Variants in DPT observed in about 807,000 individuals in gnomAD.
DPT encodes the protein dermatopontin.
Under a neutral mutation model 31.2 loss-of-function variants are expected in DPT, and 21 were observed. The ratio of observed to expected loss-of-function variants is 0.67; its 90% CI spans 0.48 to 0.97. DPT has a LOEUF of 0.97. DPT is among the 50% of genes least tolerant of loss of function. The pLI is 0.00. For missense variants in DPT, 262 were observed against 258.8 expected (o/e 1.01, Z -0.08); for synonymous variants, 91 against 86.9 (o/e 1.05, Z -0.26).
chr1:168,727,194 C>T (rs1254159346), intron 1 of DPT, among the ~76,000 whole-genome samples: 1 of 152,216 alleles, frequency 6.6e-6, no homozygotes, highest in African/African-American at 2.4e-5. Context: ...TCTCAGGAGC[C>T]CGTCACTGTG....
chr1:168,717,205 C>T (rs773448904), intron 1 of DPT, among the ~76,000 whole-genome samples: 6 of 152,212 alleles, frequency 3.9e-5, no homozygotes, highest in South Asian at 2.1e-4. Context: ...TTCACAGCCT[C>T]GCCAGCATCT....
chr1:168,699,048 C>T (rs568482271), intron 3 of DPT, among the ~76,000 whole-genome samples: 4 of 152,066 alleles, frequency 2.6e-5, no homozygotes, highest in South Asian at 4.2e-4. Flanking sequence ...TCCACATAAC[C>T]GAAAAATTTA....
chr1:168,713,949 C>T (rs957853635), intron 2 of DPT, among the ~76,000 whole-genome samples: 2 of 152,024 alleles, frequency 1.3e-5, no homozygotes, highest in Non-Finnish European at 2.9e-5. Context: ...CTTGGCATTC[C>T]CACAGAGTAG....
rs967832645 is a variant in DPT at position 168,706,594 on chromosome 1, C to T, written c.432-5470G>A. On this transcript the variant is annotated intron_variant, in intron 2 of 3. Coordinates refer to ENST00000367817, the MANE Select transcript of DPT (RefSeq NM_001937.5). The stretch of plus-strand genomic sequence containing the variant: ...CCAAGCGGGACCTCTGGTAGTCACC[C>T]AAGTGCCCTTCTCTGCACAGAAAAT... 1.4e-4 allele frequency among the ~76,000 whole-genome samples: 22 copies of T among 152,180 alleles called. 1 individual carries two copies. Among genetic ancestry groups the T allele is most frequent in the Admixed American group, 1.4e-3 (21 of 15,280 alleles).
chr1:168,699,060 T>C (rs888928818), intron 3 of DPT, among the ~76,000 whole-genome samples: 4 of 152,202 alleles, frequency 2.6e-5, no homozygotes, highest in Non-Finnish European at 4.4e-5. Flanking sequence ...AAAAATTTAC[T>C]AAAAAGTGAA....
chr1:168,723,403 C>A (rs1460769750), intron 1 of DPT, among the ~76,000 whole-genome samples: 1 of 152,214 alleles, frequency 6.6e-6, no homozygotes, highest in Non-Finnish European at 1.5e-5. Flanking sequence ...GTATGTTATT[C>A]ATCTCCATCT....
chr1:168,728,774 T>C, intron 1 of DPT, 96 bp downstream of exon 1: 6 of 1,476,964 alleles, frequency 4.1e-6, no homozygotes, highest in Non-Finnish European at 5.5e-6. Flanking sequence ...GCCCAGGCTT[T>C]GGTTACTGAT....
intron 2 of DPT, among the ~76,000 whole-genome samples, chr1:168,713,638 A>G (rs1400408052): frequency 6.6e-6 from 1 of 152,270 alleles, no homozygotes; most frequent in Admixed American, 6.5e-5. Context: ...GTCAGGAGAT[A>G]TTCGGCATGA....
chr1:168,712,917 A>C (rs1233426712), intron 2 of DPT, among the ~76,000 whole-genome samples: 1 of 152,112 alleles, frequency 6.6e-6, no homozygotes, highest in African/African-American at 2.4e-5. Context: ...AGTTTTCATC[A>C]GAGTCTTAAA....
At chr1:168,711,115 A>G (rs1179812343) in intron 2 of DPT, among the ~76,000 whole-genome samples, 1 of 148,826 alleles carries the variant, frequency 6.7e-6, no homozygotes, top group Non-Finnish European at 1.5e-5. Flanking sequence ...GGTTCATGCC[A>G]TTCTCCTGCC....
chr1:168,720,300 C>T (rs947429748), intron 1 of DPT, among the ~76,000 whole-genome samples: 6 of 152,070 alleles, frequency 3.9e-5, no homozygotes, highest in African/African-American at 1.2e-4. Flanking sequence ...TCGAGATGGT[C>T]CCACAGCTCT....
chr1:168,718,850 T>C (rs74122773), intron 1 of DPT, among the ~76,000 whole-genome samples: 488 of 152,316 alleles, frequency 3.2e-3, no homozygotes, highest in African/African-American at 0.011. Flanking sequence ...ACACAGTAAT[T>C]ATGAGTCTAC....
Position 168,728,882 on chromosome 1 carries a change from G to A in DPT, c.293C>T (p.Ala98Val). ...TECWWEEINR[A>V]GMEWYQTCSN... ...GACTGGCCCTTACCATTCCATGCCAGCCCTGTTGATCTCCTCCCACCAGCA... is the reference window on the plus strand; with the variant it reads ...GACTGGCCCTTACCATTCCATGCCAACCCTGTTGATCTCCTCCCACCAGCA... The change falls in exon 1 of 4, where the codon GCT becomes GTT. Residue 98 changes from alanine to valine, a missense_variant. Coordinates refer to ENST00000367817, the MANE Select transcript of DPT (RefSeq NM_001937.5). 2 of 1,614,166 alleles carry A rather than the reference G, an allele frequency of 1.2e-6. No homozygotes were observed. Among genetic ancestry groups the A allele is most frequent in the Non-Finnish European group, 1.7e-6 (2 of 1,180,000 alleles).
At chr1:168,726,329 G>A (rs1650240661) in intron 1 of DPT, among the ~76,000 whole-genome samples, 2 of 152,146 alleles carry the variant, frequency 1.3e-5, no homozygotes, top group South Asian at 4.1e-4. Flanking sequence ...AAATAGTTTG[G>A]GAGTTCATGA....
chr1:168,726,906 C>G (rs1405999992), intron 1 of DPT, among the ~76,000 whole-genome samples: 1 of 152,202 alleles, frequency 6.6e-6, no homozygotes, highest in Admixed American at 6.5e-5. Context: ...GAGAATGGCC[C>G]ACAAAGGCTG....
intron 1 of DPT, among the ~76,000 whole-genome samples, chr1:168,727,499 G>T (rs1004823159): frequency 4.0e-5 from 6 of 151,330 alleles, no homozygotes; most frequent in Non-Finnish European, 2.9e-5. Flanking sequence ...TCTACTGGTT[G>T]TGTCCCCCAG....
rs1209445077 is a variant in DPT at position 168,714,322 on chromosome 1, C to T, written c.330G>A (p.Gly110=). The T allele has an allele frequency of 3.7e-6, 6 of 1,614,130 alleles. No individual in the cohort carries two copies. Among genetic ancestry groups the T allele is most frequent in the Non-Finnish European group, 5.1e-6 (6 of 1,180,030 alleles). ...AGCGGCTCTGGAATCCTGCCACCAG[C>T]CCATTGTTGGAGCACGTCTGGTACC... is the stretch of plus-strand genomic sequence containing the variant. ...MEWYQTCSNN[G]LVAGFQSRYF... is the part of the protein sequence containing the mutation. The change falls in exon 2 of 4, where the codon GGG becomes GGA. Residue 110 remains glycine (G), a synonymous_variant. Coordinates refer to ENST00000367817, the MANE Select transcript of DPT (RefSeq NM_001937.5).
rs540183882 is a variant in DPT at position 168,703,106 on chromosome 1, G to T, written c.432-1982C>A. Among the ~76,000 whole-genome samples, 120 of 152,190 alleles carry T rather than the reference G, an allele frequency of 7.9e-4. No individual in the cohort carries two copies. In the Middle Eastern group the frequency reaches 0.01, roughly 13 times the overall value. The stretch of plus-strand genomic sequence containing the variant: ...GGGTGTGTGTTTTCCTTACTTCAGG[G>T]AACAAAAAATATTTTCTAAAACTTT... On this transcript the variant is annotated intron_variant, in intron 2 of 3. Coordinates refer to ENST00000367817, the MANE Select transcript of DPT (RefSeq NM_001937.5).
intron 2 of DPT, among the ~76,000 whole-genome samples, chr1:168,707,607 T>C (rs1477547299): frequency 1.3e-5 from 2 of 152,160 alleles, no homozygotes; most frequent in Non-Finnish European, 2.9e-5. Flanking sequence ...CCCAACCAAA[T>C]GTCACCTTGA....
Sources: gnomAD v4.1 joint callset for allele counts (sites outside exome capture counted in the v4.1 genomes callset) on GRCh38, gnomAD v4.1.1 for gene constraint, MANE v1.5 for transcripts, NCBI Gene and HGNC (gene_info 2026-07-23, HGNC 2026-07-21) for gene names.